Variants in AP3D1 observed in about 807,000 individuals in gnomAD.
The protein encoded by AP3D1 is adaptor related protein complex 3 subunit delta 1.
Under a neutral mutation model 147.6 loss-of-function variants are expected in AP3D1, and 51 were observed. The observed-to-expected ratio is 0.35, with a 90% CI of 0.28 to 0.44. AP3D1 has a LOEUF of 0.44. AP3D1 is among the 20% of genes least tolerant of loss of function. The probability of loss-of-function intolerance (pLI) is 1.00; values close to 1 mark genes in which losing one functional copy is unlikely to be tolerated. For missense variants in AP3D1, 1,421 were observed against 1,624.2 expected (o/e 0.87, Z 2.15); for synonymous variants, 760 against 663.0 (o/e 1.15, Z -2.25).
At chr19:2,145,946 C>G (rs938568763) in intron 1 of AP3D1, among the ~76,000 whole-genome samples, 3 of 152,240 alleles carry the variant, frequency 2.0e-5, no homozygotes, top group African/African-American at 4.8e-5. Flanking sequence ...GCTGCACCCC[C>G]CAAACACCCC....
intron 23 of AP3D1, 26 bp downstream of exon 23, chr19:2,113,310 G>C: frequency 1.8e-6 from 2 of 1,107,010 alleles, no homozygotes; most frequent in South Asian, 2.9e-5. Context: ...ACCGAGGCTG[G>C]CACTGGCCAG....
At chr19:2,158,674 G>A (rs1485165249) in intron 1 of AP3D1, among the ~76,000 whole-genome samples, 8 of 150,460 alleles carry the variant, frequency 5.3e-5, no homozygotes, top group East Asian at 2.0e-4. Context: ...GGCGCAATCC[G>A]CTTACTGCAA....
chr19:2,127,070 G>C, intron 9 of AP3D1, 82 bp downstream of exon 9: 18 of 1,477,728 alleles, frequency 1.2e-5, no homozygotes, highest in Non-Finnish European at 1.7e-5. Context: ...GGAGACACCA[G>C]GCCTGGCGCC....
chr19:2,146,071 A>G (rs993098380), intron 1 of AP3D1, among the ~76,000 whole-genome samples: 1 of 152,106 alleles, frequency 6.6e-6, no homozygotes, highest in Non-Finnish European at 1.5e-5. Flanking sequence ...TCCATTCATA[A>G]AACGACCCCA....
rs565097877 is a variant in AP3D1, at chr19:2,147,949, C to T, written c.96+3290G>A. ...CCTGTAATCCAGCACTTTGGGAGGC[C>T]GAGGCGGGAGGATCACGAGGACAGG... On this transcript the variant is annotated intron_variant, in intron 1 of 31. Coordinates refer to ENST00000643116, the MANE Select transcript of AP3D1 (RefSeq NM_001261826.3). 1.1e-4 allele frequency among the ~76,000 whole-genome samples: 17 copies of T among 151,030 alleles called. 1 individual carries two copies. The South Asian group carries it at 3.6e-3, about 32-fold the overall frequency.
chr19:2,111,110 T>C (rs1021277452), intron 26 of AP3D1, 175 bp downstream of exon 26: 7 of 944,820 alleles, frequency 7.4e-6, no homozygotes, highest in Non-Finnish European at 1.1e-5. Flanking sequence ...TCTCAGGGCA[T>C]GTCTCCAACC....
intron 1 of AP3D1, 55 bp downstream of exon 1, chr19:2,151,184 G>T: frequency 6.5e-7 from 1 of 1,540,996 alleles, no homozygotes; most frequent in Non-Finnish European, 8.9e-7. Context: ...GCAGGGCTGG[G>T]CCCTGGGCCG....
chr19:2,115,067 G>A lies in AP3D1; in HGVS notation c.2349+152C>T, dbSNP rs531661253. On this transcript the variant is annotated intron_variant, in intron 20 of 31. Transcript: ENST00000643116. ...CGGTGCGTCGGGACGCGTGCTCGAG[G>A]ACAGAGAGGCCTCTCCTCCTATGCT... The A allele has an allele frequency of 1.6e-5, 14 of 885,150 alleles. No individual in the cohort carries two copies. In the Middle Eastern group the frequency reaches 1.1e-3, roughly 67 times the overall value. The allele number at this position is 885,150 out of a possible 1,614,324, so 54.8% of individuals were successfully genotyped here.
At chr19:2,133,529 G>A (rs985797778) in intron 4 of AP3D1, 2 of 150,452 alleles carry the variant, frequency 1.3e-5, no homozygotes, top group Non-Finnish European at 3.0e-5. Flanking sequence ...TTTTTGAGAC[G>A]AGTCTCACTC....
chr19:2,150,509 G>C (rs1305879118), intron 1 of AP3D1, among the ~76,000 whole-genome samples: 1 of 152,340 alleles, frequency 6.6e-6, no homozygotes, highest in East Asian at 1.9e-4. Context: ...CCTACTTGAA[G>C]TCAGCTTCCC....
At chr19:2,110,962 G>C in intron 26 of AP3D1, 66 bp from the exon 27 acceptor site, 2 of 1,528,616 alleles carry the variant, frequency 1.3e-6, no homozygotes, top group Admixed American at 3.6e-5. Context: ...ACAGCCACCT[G>C]TCTCTTAATG....
At position 2,138,725 on chromosome 19, in the gene AP3D1, G is replaced by A. The variant is rs765159900; in HGVS notation, c.97-11C>T. 3 of 1,585,118 alleles carry A rather than the reference G, an allele frequency of 1.9e-6. No homozygotes were observed. The highest frequency in any genetic ancestry group is 1.3e-5 in the African/African-American group (1 of 74,416). On this transcript the variant is annotated splice_polypyrimidine_tract_variant and intron_variant, in intron 1 of 31. Coordinates refer to ENST00000643116, the MANE Select transcript of AP3D1 (RefSeq NM_001261826.3). ...AGATATGTATTTTGCCTATAATGGG[G>A]GATAAACACAGAGATTACAAACATC...
At chr19:2,138,497 TCAC>T in intron 2 of AP3D1, 119 bp downstream of exon 2, 1 of 785,926 alleles carries the variant, frequency 1.3e-6, no homozygotes, top group East Asian at 2.5e-5. Flanking sequence ...CCTGAGTGGC[TCAC>T]CGACAGCAGG....
chr19:2,157,664 C>A (rs915629284), intron 1 of AP3D1, among the ~76,000 whole-genome samples: 1 of 129,540 alleles, frequency 7.7e-6, no homozygotes, highest in Non-Finnish European at 1.6e-5. Flanking sequence ...TTGAAAAAAA[C>A]AAACATCCAC....
At position 2,121,041 on chromosome 19, in the gene AP3D1, G is replaced by A. The variant is rs1288808143; in HGVS notation, c.1302C>T (p.Gly434=). 1.2e-6 allele frequency: 2 copies of A among 1,612,828 alleles called. No homozygotes were observed. Among genetic ancestry groups the A allele is most frequent in the Non-Finnish European group, 1.7e-6 (2 of 1,179,956 alleles). Residue 434 remains glycine, a synonymous_variant, in exon 14 of 32, where the codon GGC becomes GGT. Coordinates refer to ENST00000643116, the MANE Select transcript of AP3D1 (RefSeq NM_001261826.3). ...CCAGCATTTGGGCGGCGATGAGGTG[G>A]CCGTGCCGTGTGCCCTCCAGCCGGG... is the stretch of plus-strand genomic sequence containing the variant. ...ELTRLEGTRH[G]HLIAAQMLDV...
chr19:2,126,743 T>A (rs895598394), intron 9 of AP3D1, among the ~76,000 whole-genome samples: 1 of 151,856 alleles, frequency 6.6e-6, no homozygotes, highest in Non-Finnish European at 1.5e-5. Flanking sequence ...ATATGCTGTC[T>A]CAGGAGTGCT....
chr19:2,119,565 G>A (rs111376591), intron 14 of AP3D1, among the ~76,000 whole-genome samples: 3 of 152,028 alleles, frequency 2.0e-5, no homozygotes, highest in African/African-American at 4.8e-5. Context: ...GCATGGTGGC[G>A]GGCGCCTGTA....
chr19:2,129,199 A>C, intron 7 of AP3D1, 36 bp from the exon 8 acceptor site: 5 of 1,608,014 alleles, frequency 3.1e-6, no homozygotes, highest in Non-Finnish European at 4.2e-6. Flanking sequence ...ACCCGCAGGG[A>C]ATGCCCCACG....
At chr19:2,157,725 C>T (rs1405740005) in intron 1 of AP3D1, among the ~76,000 whole-genome samples, 1 of 151,908 alleles carries the variant, frequency 6.6e-6, no homozygotes, top group African/African-American at 2.4e-5. Flanking sequence ...ACCAACCCAC[C>T]CATCCACCCA....
Sources: allele counts gnomAD v4.1 joint callset (sites outside exome capture counted in the v4.1 genomes callset), GRCh38; gene constraint gnomAD v4.1.1; transcripts MANE v1.5; gene names NCBI Gene and HGNC (gene_info 2026-07-23, HGNC 2026-07-21).